The following CSGALNACT1 variants were observed in gnomAD, a reference collection of about 807,000 sequenced individuals.
CSGALNACT1 encodes the protein beta4GalNAcT-1.
CSGALNACT1 carries 52 observed loss-of-function variants against 51.0 expected under a neutral mutation model. The observed-to-expected ratio is 1.02, with a 90% CI of 0.82 to 1.29. The LOEUF (loss-of-function observed/expected upper bound fraction) is 1.29, where lower values mean the gene tolerates loss of function less well. Ranked by LOEUF, CSGALNACT1 falls within the 50% of genes most tolerant of loss-of-function variation. CSGALNACT1 has a pLI of 0.00. For missense variants in CSGALNACT1, 935 were observed against 679.2 expected (o/e 1.38, Z -4.19); for synonymous variants, 341 against 254.4 (o/e 1.34, Z -3.24).
intron 3 of CSGALNACT1, among the ~76,000 whole-genome samples, chr8:19,536,093 TTGAG>T (rs1440206918): frequency 6.6e-6 from 1 of 152,174 alleles, no homozygotes; most frequent in Non-Finnish European, 1.5e-5. Flanking sequence ...AAAAAACTCC[TTGAG>T]TAAGTGAGTG....
intron 1 of CSGALNACT1, among the ~76,000 whole-genome samples, chr8:19,667,241 C>G (rs1235730705): frequency 7.1e-6 from 1 of 141,406 alleles, no homozygotes; most frequent in Non-Finnish European, 1.5e-5. Flanking sequence ...CCAAACATGG[C>G]GAAACCCCAT....
At chr8:19,730,719 T>C (rs1204083996) in intron 1 of CSGALNACT1, among the ~76,000 whole-genome samples, 3 of 152,130 alleles carry the variant, frequency 2.0e-5, no homozygotes, top group Non-Finnish European at 4.4e-5. Flanking sequence ...AGGAGCGAAA[T>C]GGCCCCTGAT....
intron 1 of CSGALNACT1, among the ~76,000 whole-genome samples, chr8:19,617,709 A>G (rs2053225175): frequency 6.6e-6 from 1 of 152,184 alleles, no homozygotes; most frequent in Admixed American, 6.5e-5. Flanking sequence ...TTCCCAAAGT[A>G]TTTTCATTGA....
intron 1 of CSGALNACT1, among the ~76,000 whole-genome samples, chr8:19,631,230 C>T (rs920226407): frequency 2.0e-5 from 3 of 151,990 alleles, no homozygotes; most frequent in Non-Finnish European, 2.9e-5. Flanking sequence ...CTTGATTGCT[C>T]GCTTATATGC....
At chr8:19,532,354 T>G (rs7002643) in intron 3 of CSGALNACT1, among the ~76,000 whole-genome samples, 16,779 of 152,076 alleles carry the variant, frequency 0.11, 992 homozygotes, top group African/African-American at 0.16. Context: ...GAGGAACAAT[T>G]AGGGGTGACT....
chr8:19,405,091 G>A (rs1261457803), exon 10 of CSGALNACT1: 1 of 453,736 alleles, frequency 2.2e-6, no homozygotes, highest in Non-Finnish European at 4.4e-6. Flanking sequence ...GTGCTCTCTT[G>A]TAAGGCTTGC....
chr8:19,596,434 C>A (rs1043394049), intron 2 of CSGALNACT1, among the ~76,000 whole-genome samples: 2 of 152,028 alleles, frequency 1.3e-5, no homozygotes, highest in African/African-American at 4.8e-5. Flanking sequence ...TGTGACAGAA[C>A]AAACATTTCT....
intron 3 of CSGALNACT1, among the ~76,000 whole-genome samples, chr8:19,546,161 TCAG>T (rs1440756409): frequency 6.6e-6 from 1 of 152,128 alleles, no homozygotes; most frequent in Non-Finnish European, 1.5e-5. Flanking sequence ...GCAGATAAAT[TCAG>T]CAGAATATAT....
At chr8:19,558,309 C>T (rs1372429645) in intron 3 of CSGALNACT1, among the ~76,000 whole-genome samples, 1 of 152,068 alleles carries the variant, frequency 6.6e-6, no homozygotes, top group East Asian at 1.9e-4. Context: ...ATTTGATTGC[C>T]AGTATCATGT....
chr8:19,482,907 C>G (rs981942054), intron 4 of CSGALNACT1, among the ~76,000 whole-genome samples: 5 of 152,166 alleles, frequency 3.3e-5, no homozygotes, highest in Non-Finnish European at 7.3e-5. Flanking sequence ...CTGATCATCT[C>G]TCCTGGTCTA....
intron 4 of CSGALNACT1, among the ~76,000 whole-genome samples, chr8:19,480,351 G>A (rs1026356512): frequency 6.6e-6 from 1 of 152,160 alleles, no homozygotes; most frequent in South Asian, 2.1e-4. Context: ...ACTTATTGGT[G>A]AGAACACGCA....
chr8:19,573,992 C>T (rs1030526328), intron 3 of CSGALNACT1, among the ~76,000 whole-genome samples: 1 of 152,146 alleles, frequency 6.6e-6, no homozygotes, highest in African/African-American at 2.4e-5. Flanking sequence ...GCTATGACGG[C>T]TCACTGCAGC....
chr8:19,656,548 C>CG (rs1554787907), intron 1 of CSGALNACT1, among the ~76,000 whole-genome samples: 1 of 151,296 alleles, frequency 6.6e-6, no homozygotes, highest in Non-Finnish European at 1.5e-5. Context: ...CACGTGTACG[C>CG]GCATGCACAC....
At chr8:19,536,083 A>G (rs529873128) in intron 3 of CSGALNACT1, among the ~76,000 whole-genome samples, 14 of 152,332 alleles carry the variant, frequency 9.2e-5, no homozygotes, top group South Asian at 4.1e-4. Context: ...AGTAATCTAC[A>G]AAAAACTCCT....
intron 1 of CSGALNACT1, among the ~76,000 whole-genome samples, chr8:19,717,007 T>C (rs374751830): frequency 4.6e-5 from 7 of 152,224 alleles, no homozygotes; most frequent in East Asian, 1.9e-4. Context: ...GGACTTAAAC[T>C]TCTAAGCCTT....
At chr8:19,498,663 C>T (rs192160385) in intron 4 of CSGALNACT1, among the ~76,000 whole-genome samples, 1 of 152,292 alleles carries the variant, frequency 6.6e-6, no homozygotes, top group East Asian at 1.9e-4. Flanking sequence ...TTGTGTACAA[C>T]GCAGCCAGAA....
Position 19,477,994 on chromosome 8 carries a change from C to A in CSGALNACT1, c.635-19352G>T, listed in dbSNP as rs79112634. 7.1e-3 allele frequency among the ~76,000 whole-genome samples: 1,076 copies of A among 152,222 alleles called. 13 individuals carry two copies. Among genetic ancestry groups the A allele is most frequent in the African/African-American group, 0.024 (1,017 of 41,536 alleles). Reference sequence around the variant, plus strand: ...AACACAGTTTCCAGGGACCCCACCTCCTGAAGAGGCACAAGCTTGAGAACT... The same window carrying A: ...AACACAGTTTCCAGGGACCCCACCTACTGAAGAGGCACAAGCTTGAGAACT... On this transcript the variant is annotated intron_variant, in intron 4 of 9. Transcript: ENST00000454498.
intron 3 of CSGALNACT1, among the ~76,000 whole-genome samples, chr8:19,530,514 A>C (rs1375437371): frequency 6.6e-6 from 1 of 152,212 alleles, no homozygotes; most frequent in Non-Finnish European, 1.5e-5. Context: ...CTTTACTAGA[A>C]TTCAGTCGCT....
At chr8:19,500,554 T>C (rs2076243277) in intron 4 of CSGALNACT1, among the ~76,000 whole-genome samples, 1 of 152,176 alleles carries the variant, frequency 6.6e-6, no homozygotes, top group African/African-American at 2.4e-5. Flanking sequence ...GGACCTCAAA[T>C]TCTATTTGAC....
Sources: gnomAD v4.1 joint callset for allele counts (sites outside exome capture counted in the v4.1 genomes callset) on GRCh38, gnomAD v4.1.1 for gene constraint, MANE v1.5 for transcripts, NCBI Gene and HGNC (gene_info 2026-07-23, HGNC 2026-07-21) for gene names.